Variants in NLGN1 observed in about 807,000 individuals in gnomAD.
The protein encoded by NLGN1 is neuroligin-1.
NLGN1 carries 12 observed loss-of-function variants against 65.5 expected under a neutral mutation model. That is an observed-to-expected ratio of 0.18 (90% confidence interval 0.12 to 0.30). The LOEUF (loss-of-function observed/expected upper bound fraction) is 0.30. Among genes scored for constraint, NLGN1 ranks in the 10% least tolerant of loss-of-function variants. NLGN1 has a pLI of 1.00. For missense variants in NLGN1, 750 were observed against 1,007.1 expected, an observed-to-expected ratio of 0.74 and a Z score of 3.46; for synonymous variants, 350 against 359.5, an observed-to-expected ratio of 0.97 and a Z score of 0.30.
intron 2 of NLGN1, among the ~76,000 whole-genome samples, chr3:173,532,123 G>T (rs1158471756): frequency 6.6e-6 from 1 of 152,044 alleles, no homozygotes; most frequent in Non-Finnish European, 1.5e-5. Flanking sequence ...ATCATTTCTT[G>T]TTAAAATCCC....
At chr3:173,948,871 A>G (rs1232611567) in intron 4 of NLGN1, among the ~76,000 whole-genome samples, 3 of 152,184 alleles carry the variant, frequency 2.0e-5, no homozygotes, top group Non-Finnish European at 2.9e-5. Context: ...CAACCCAGAC[A>G]GACTTTAGAT....
chr3:174,090,955 C>A (rs1375427332), intron 4 of NLGN1, among the ~76,000 whole-genome samples: 2 of 152,068 alleles, frequency 1.3e-5, no homozygotes, highest in Non-Finnish European at 2.9e-5. Flanking sequence ...ACTTGCCATC[C>A]CCACTGGATT....
At chr3:174,223,522 T>C (rs190346007) in intron 4 of NLGN1, among the ~76,000 whole-genome samples, 2 of 152,190 alleles carry the variant, frequency 1.3e-5, no homozygotes, top group Non-Finnish European at 2.9e-5. Flanking sequence ...CACTTTTCCT[T>C]TACCTAATCT....
At chr3:173,883,991 C>T (rs1468357122) in intron 4 of NLGN1, among the ~76,000 whole-genome samples, 2 of 151,636 alleles carry the variant, frequency 1.3e-5, no homozygotes, top group Admixed American at 1.3e-4. Flanking sequence ...AATTATCCTC[C>T]CCTTTGAATA....
Position 173,747,059 on chromosome 3 carries a change from T to C in NLGN1, c.494-60621T>C, listed in dbSNP as rs7631789. On this transcript the variant is annotated intron_variant, in intron 3 of 6. Coordinates refer to ENST00000457714, the Ensembl canonical transcript of NLGN1. ...TGCCTCAAAAAGAAAAAATTATATA[T>C]ACACACACACACACACACACACACA... Among the ~76,000 whole-genome samples, 194 of 130,368 alleles carry C rather than the reference T, an allele frequency of 1.5e-3. 3 individuals are homozygous for C. The highest frequency in any genetic ancestry group is 6.5e-3 in the East Asian group (31 of 4,746). 85.5% of individuals were successfully genotyped at this position (130,368 alleles called of 152,430 possible). A position where few individuals can be genotyped will look rare whatever the true frequency, so the allele number is the denominator to read the frequency against.
At chr3:173,796,863 A>G (rs1045267073) in intron 3 of NLGN1, among the ~76,000 whole-genome samples, 1 of 152,154 alleles carries the variant, frequency 6.6e-6, no homozygotes, top group South Asian at 2.1e-4. Flanking sequence ...ATGTTGCTCA[A>G]TTTACAGGAA....
Position 173,995,963 on chromosome 3 carries a change from G to A in NLGN1, c.646+188131G>A, listed in dbSNP as rs192473706. On this transcript the variant is annotated intron_variant, in intron 4 of 6. Coordinates refer to ENST00000457714, the Ensembl canonical transcript of NLGN1. ...TTCCTCTGAAAGTGCTGGGATTATA[G>A]GTGTAAGCCACTGCACCCAACCCTT... is the stretch of plus-strand genomic sequence containing the variant. Among the ~76,000 whole-genome samples the A allele has an allele frequency of 4.1e-3, 625 of 152,186 alleles. 3 individuals carry two copies. Among genetic ancestry groups the A allele is most frequent in the Non-Finnish European group, 6.5e-3 (443 of 68,006 alleles).
intron 4 of NLGN1, among the ~76,000 whole-genome samples, chr3:174,274,124 A>AAATT (rs1553987798): frequency 6.6e-6 from 1 of 151,782 alleles, no homozygotes; most frequent in Non-Finnish European, 1.5e-5. Context: ...TTGAAATTGG[A>AAATT]AATTATATCC....
At chr3:174,061,112 C>T (rs1737317178) in intron 4 of NLGN1, among the ~76,000 whole-genome samples, 1 of 151,890 alleles carries the variant, frequency 6.6e-6, no homozygotes. Context: ...TCTTCTGTGA[C>T]CTTGGTGTTG....
intron 4 of NLGN1, among the ~76,000 whole-genome samples, chr3:174,142,800 A>G (rs1722549349): frequency 6.6e-6 from 1 of 152,234 alleles, no homozygotes; most frequent in Admixed American, 6.5e-5. Context: ...CATTTATATT[A>G]TATGCGTGTT....
chr3:173,842,365 C>G (rs1724956858), intron 4 of NLGN1, among the ~76,000 whole-genome samples: 1 of 152,154 alleles, frequency 6.6e-6, no homozygotes. Context: ...CATTTCAAAA[C>G]CTTCCCAACA....
Position 173,697,093 on chromosome 3 carries a change from C to A in NLGN1, c.493+92002C>A, listed in dbSNP as rs1300326660. On this transcript the variant is annotated intron_variant, in intron 3 of 6. Coordinates refer to ENST00000457714, the Ensembl canonical transcript of NLGN1. ...AATATGATCAGAAGTAGTATTGCCA[C>A]ATTAGCTTTGATCCTAGTGAAAGTT... Among the ~76,000 whole-genome samples the A allele has an allele frequency of 5.3e-5, 8 of 152,154 alleles. No individual in the cohort carries two copies. In the East Asian group the frequency reaches 1.3e-3, roughly 26 times the overall value.
At chr3:173,711,127 G>A (rs993850855) in intron 3 of NLGN1, among the ~76,000 whole-genome samples, 11 of 152,142 alleles carry the variant, frequency 7.2e-5, no homozygotes, top group Admixed American at 3.3e-4. Flanking sequence ...ATAAAATCAA[G>A]AGATGCAAAA....
rs150218760 is a variant in NLGN1, at chr3:174,058,575, G to C, written c.647-216740G>C. Among the ~76,000 whole-genome samples the C allele has an allele frequency of 4.0e-3, 606 of 152,084 alleles. 1 individual carries two copies. Among genetic ancestry groups the C allele is most frequent in the Non-Finnish European group, 6.6e-3 (448 of 68,000 alleles). On this transcript the variant is annotated intron_variant, in intron 4 of 6. Transcript: ENST00000457714. ...TATACATTTGTTGAAAAGTTCATAA[G>C]TAAGTAGATGAATATTAATTACAAA... is the stretch of plus-strand genomic sequence containing the variant.
At chr3:174,242,425 A>C (rs1218421693) in intron 4 of NLGN1, among the ~76,000 whole-genome samples, 1 of 152,102 alleles carries the variant, frequency 6.6e-6, no homozygotes, top group East Asian at 1.9e-4. Flanking sequence ...GTGGCATAGC[A>C]AGAAGTTAGC....
At position 173,472,870 on chromosome 3, in the gene NLGN1, A is replaced by G. The variant is rs376911658; in HGVS notation, c.-321+37792A>G. Among the ~76,000 whole-genome samples the G allele has an allele frequency of 1.1e-4, 16 of 152,296 alleles. 1 individual carries two copies. Among genetic ancestry groups the G allele is most frequent in the African/African-American group, 3.8e-4 (16 of 41,580 alleles). ...ACCCTGAGTGTTTGACCCAAATGGC[A>G]TAAGTGAATTGTTTTAATCTGCCCC... is the stretch of plus-strand genomic sequence containing the variant. On this transcript the variant is annotated intron_variant, in intron 2 of 6. Transcript: ENST00000457714.
intron 4 of NLGN1, among the ~76,000 whole-genome samples, chr3:174,124,611 ATATATACGTATACACATATACG>A (rs1718520656): frequency 6.8e-6 from 1 of 146,350 alleles, no homozygotes; most frequent in African/African-American, 2.5e-5. Flanking sequence ...ATATATACGT[ATATATACGTATACACATATACG>A]TATATATATA....
At chr3:174,266,777 A>G (rs907637567) in intron 4 of NLGN1, among the ~76,000 whole-genome samples, 1 of 152,200 alleles carries the variant, frequency 6.6e-6, no homozygotes, top group African/African-American at 2.4e-5. Flanking sequence ...GGAATAGTTT[A>G]AAAATGTGGT....
downstream of NLGN1, among the ~76,000 whole-genome samples, chr3:174,291,145 T>A (rs1752725271): frequency 1.4e-5 from 2 of 146,288 alleles, no homozygotes; most frequent in South Asian, 2.2e-4. Context: ...GTAGAAAAAA[T>A]CTAAAAAGTT....
Sources: gnomAD v4.1 joint callset for allele counts (sites outside exome capture counted in the v4.1 genomes callset) on GRCh38, gnomAD v4.1.1 for gene constraint, MANE v1.5 for transcripts, NCBI Gene and HGNC (gene_info 2026-07-23, HGNC 2026-07-21) for gene names.